RAI2: variants seen among roughly 807,000 people sequenced by gnomAD.
RAI2 encodes retinoic acid-induced protein 2.
In RAI2, 5 loss-of-function variants were observed where a neutral mutation model predicts 15.3. The observed-to-expected ratio is 0.33, with a 90% CI of 0.17 to 0.69. The LOEUF is 0.69. Among genes scored for constraint, RAI2 ranks in the 30% least tolerant of loss-of-function variants. The pLI, the probability that RAI2 is intolerant of heterozygous loss-of-function variation, is 0.69. For missense variants in RAI2, 424 were observed against 424.7 expected (o/e 1.00, Z 0.01); for synonymous variants, 191 against 184.0 (o/e 1.04, Z -0.31).
chrX:17,813,287 T>G (rs1289744122), intron 1 of RAI2, among the ~76,000 whole-genome samples: 1 of 111,787 alleles, frequency 8.9e-6, no homozygotes, highest in Non-Finnish European at 1.9e-5. Context: ...TCAGAATTAT[T>G]AGATTTCTCC....
chrX:17,800,410 G>T lies in RAI2; in HGVS notation c.*8C>A. On this transcript the variant is annotated 3_prime_UTR_variant, in exon 2 of 2. Transcript: ENST00000451717. ...ATTATAATCATACAAATTTTAAAAA[G>T]CCGTTATTTACTTTCTTGGAAAAAA... 1.7e-6 allele frequency: 2 copies of T among 1,168,999 alleles called. No individual in the cohort carries two copies. The highest frequency in any genetic ancestry group is 2.3e-6 in the Non-Finnish European group (2 of 874,341).
At chrX:17,819,535 A>C (rs2067142373) in intron 1 of RAI2, among the ~76,000 whole-genome samples, 1 of 112,588 alleles carries the variant, frequency 8.9e-6, no homozygotes, top group African/African-American at 3.2e-5. Context: ...ACTTGTACTC[A>C]GATGTTCATT....
chrX:17,800,938 T>C lies in RAI2; in HGVS notation c.1073A>G (p.Glu358Gly), dbSNP rs1465862189. The change falls in exon 2 of 2, where the codon GAG becomes GGG. Residue 358 changes from glutamate to glycine, a missense_variant. Glu to Gly is a moderately conservative substitution (Grantham distance 98, BLOSUM62 -2). Coordinates refer to ENST00000451717, the MANE Select transcript of RAI2 (RefSeq NM_021785.6). ...TGATGCACCACTGTCATACAGTGTC[T>C]CAGGGGGAGGCTCGGATTTCCGGTG... is the stretch of plus-strand genomic sequence containing the variant. ...AAHRKSEPPP[E>G]TLYDSGASVD... 1 of 1,210,829 alleles carries C rather than the reference T, an allele frequency of 8.3e-7. No homozygotes were observed. Among genetic ancestry groups the C allele is most frequent in the East Asian group, 3.0e-5 (1 of 33,815 alleles).
In RAI2 at chrX:17,802,014, T is replaced by G; in HGVS notation, c.-4A>C. ...TCTGGGACTGCAGGTCGTCCATCAC[T>G]CAGCTCTGATGCCACTTGGCCTGCA... On this transcript the variant is annotated 5_prime_UTR_variant, in exon 2 of 2. Transcript: ENST00000451717. The G allele has an allele frequency of 8.4e-7, 1 of 1,188,758 alleles. No homozygotes were observed. Among genetic ancestry groups the G allele is most frequent in the Non-Finnish European group, 1.1e-6 (1 of 880,773 alleles).
intron 1 of RAI2, among the ~76,000 whole-genome samples, chrX:17,849,349 T>C (rs1569357233): frequency 8.9e-6 from 1 of 112,540 alleles, no homozygotes; most frequent in African/African-American, 3.2e-5. Flanking sequence ...GCATAACATT[T>C]CCATCATTGC....
chrX:17,858,645 G>C (rs1353630192), intron 1 of RAI2, among the ~76,000 whole-genome samples: 1 of 111,895 alleles, frequency 8.9e-6, no homozygotes, highest in Non-Finnish European at 1.9e-5. Context: ...TTTCTTTCTT[G>C]TAGTTCAGAT....
intron 1 of RAI2, among the ~76,000 whole-genome samples, chrX:17,834,919 T>A (rs1416752816): frequency 9.0e-6 from 1 of 110,764 alleles, no homozygotes; most frequent in Non-Finnish European, 1.9e-5. Context: ...AGAAAGGCAA[T>A]GGCAGAGAGC....
At position 17,803,682 on chromosome X, in the gene RAI2, G is replaced by T. The variant is rs373027078; in HGVS notation, c.-24-1648C>A. Reference sequence around the variant, plus strand: ...AGTTTCTCTGAGGCAGGAGGAGAAGGGGGGAGGGAAAGGATGCTGTGCAAA... The same window carrying T: ...AGTTTCTCTGAGGCAGGAGGAGAAGTGGGGAGGGAAAGGATGCTGTGCAAA... On this transcript the variant is annotated intron_variant, in intron 1 of 1. Transcript: ENST00000451717. Among the ~76,000 whole-genome samples the T allele has an allele frequency of 1.1e-4, 12 of 112,374 alleles. No homozygotes were observed. In the South Asian group the frequency reaches 2.2e-3, roughly 21 times the overall value.
Position 17,800,541 on chromosome X carries a change from A to T in RAI2, c.1470T>A (p.Asn490Lys). Residue 490 changes from asparagine (N) to lysine (K), a missense_variant, in exon 2 of 2, where the codon AAT becomes AAA. By Grantham distance (94) the Asn-to-Lys change is moderately conservative. Coordinates refer to ENST00000451717, the MANE Select transcript of RAI2 (RefSeq NM_021785.6). ...INSQGEESMG[N>K]AEPLRKPIKN... ...TGATGGGTTTCCTAAGGGGCTCTGC[A>T]TTTCCCATGGACTCTTCCCCTTGGC... 8.3e-7 allele frequency: 1 copy of T among 1,210,630 alleles called. No individual in the cohort carries two copies. Among genetic ancestry groups the T allele is most frequent in the South Asian group, 1.8e-5 (1 of 56,936 alleles).
chrX:17,840,269 G>T (rs760017055), intron 1 of RAI2, among the ~76,000 whole-genome samples: 10 of 111,374 alleles, frequency 9.0e-5, no homozygotes, highest in African/African-American at 3.3e-4. Flanking sequence ...TGGGGTCTGG[G>T]CATGTGACTT....
chrX:17,810,061 C>T (rs1350032713), intron 1 of RAI2, among the ~76,000 whole-genome samples: 3 of 111,685 alleles, frequency 2.7e-5, no homozygotes, highest in Admixed American at 9.5e-5. Context: ...CATGAGCCAC[C>T]GTGCCCGGCC....
chrX:17,852,486 G>A (rs143169178), intron 1 of RAI2, among the ~76,000 whole-genome samples: 1 of 111,963 alleles, frequency 8.9e-6, no homozygotes, highest in Admixed American at 9.4e-5. Context: ...CACTCTCAGA[G>A]GCTGGCAGGG....
At chrX:17,811,509 C>T (rs1230505779) in intron 1 of RAI2, among the ~76,000 whole-genome samples, 2 of 112,441 alleles carry the variant, frequency 1.8e-5, no homozygotes, top group Non-Finnish European at 3.8e-5. Flanking sequence ...AAAAAACCTG[C>T]CTCTGGAAGA....
rs73189170 is a variant in RAI2, at chrX:17,830,507, T to G, written c.-24-28473A>C. Among the ~76,000 whole-genome samples the G allele has an allele frequency of 4.5e-3, 501 of 110,828 alleles. 7 individuals carry two copies. The highest frequency in any genetic ancestry group is 5.9e-3 in the African/African-American group (179 of 30,460). The stretch of plus-strand genomic sequence containing the variant: ...GATTTGTTTTTTTTTTGTTGTTGTT[T>G]TTTTTTTTAAAGACTCAGTTAAAGA... On this transcript the variant is annotated intron_variant, in intron 1 of 1. Transcript: ENST00000451717.
chrX:17,835,077 C>T (rs1416244802), intron 1 of RAI2, among the ~76,000 whole-genome samples: 2 of 111,621 alleles, frequency 1.8e-5, no homozygotes, highest in East Asian at 5.6e-4. Flanking sequence ...GAGAAAAGAA[C>T]GATTCAAGCA....
intron 1 of RAI2, among the ~76,000 whole-genome samples, chrX:17,843,370 C>T (rs1299451136): frequency 1.8e-5 from 2 of 111,871 alleles, no homozygotes; most frequent in African/African-American, 6.5e-5. Context: ...AAAGGGCAGA[C>T]ATTACTCATG....
chrX:17,804,150 G>C (rs2066952479), intron 1 of RAI2, among the ~76,000 whole-genome samples: 1 of 110,429 alleles, frequency 9.1e-6, no homozygotes, highest in South Asian at 3.9e-4. Flanking sequence ...AGTAGAGATG[G>C]GGTTTCACCA....
At chrX:17,814,227 G>A (rs2067081086) in intron 1 of RAI2, among the ~76,000 whole-genome samples, 1 of 106,836 alleles carries the variant, frequency 9.4e-6, no homozygotes, top group South Asian at 4.4e-4. Flanking sequence ...AGGCTAGGAA[G>A]TTGGGCTGTT....
intron 1 of RAI2, among the ~76,000 whole-genome samples, chrX:17,851,718 C>T (rs1223125400): frequency 1.8e-5 from 2 of 111,477 alleles, no homozygotes; most frequent in Middle Eastern, 4.7e-3. Flanking sequence ...ACAGCAAGGA[C>T]CATCTGGAAA....
Sources: gnomAD v4.1 joint callset for allele counts (sites outside exome capture counted in the v4.1 genomes callset) on GRCh38, gnomAD v4.1.1 for gene constraint, MANE v1.5 for transcripts, NCBI Gene and HGNC (gene_info 2026-07-23, HGNC 2026-07-21) for gene names.